The following NDUFB11 variants were observed in gnomAD, a reference collection of about 807,000 sequenced individuals.
NDUFB11 encodes the protein NADH dehydrogenase [ubiquinone] 1 beta subcomplex subunit 11, mitochondrial.
For missense variants in NDUFB11, 108 were observed against 133.8 expected (o/e 0.81, Z 0.95); for synonymous variants, 51 against 57.4 (o/e 0.89, Z 0.51).
At chrX:47,142,509 C>T in intron 2 of NDUFB11, 69 bp from the exon 3 acceptor site, 1 of 1,203,794 alleles carries the variant, frequency 8.3e-7, no homozygotes, top group South Asian at 1.8e-5. Flanking sequence ...ATCTCAGCTC[C>T]CCATTCCCAA....
At chrX:47,145,238 C>A (rs990995623), upstream of NDUFB11, 12 of 464,546 alleles carry the variant, frequency 2.6e-5, no homozygotes, top group African/African-American at 2.9e-4. Flanking sequence ...GGATGGTGGT[C>A]GGAGCGCCGA....
At chrX:47,144,765 C>T (rs1274841617), upstream of NDUFB11, 1 of 885,694 alleles carries the variant, frequency 1.1e-6, no homozygotes, top group Non-Finnish European at 1.5e-6. Flanking sequence ...ACAATCATCG[C>T]CCCGCCTCCG....
chrX:47,145,282 A>G (rs1042817496), upstream of NDUFB11: 1 of 549,223 alleles, frequency 1.8e-6, no homozygotes, highest in Non-Finnish European at 3.1e-6. Context: ...TGAGCTGGTG[A>G]CTGTGGCCGG....
chrX:47,145,115 G>T, upstream of NDUFB11: 1 of 344,197 alleles, frequency 2.9e-6, no homozygotes, highest in South Asian at 5.9e-5. Context: ...GGGAGCGTTC[G>T]CAAGGGGTGT....
At chrX:47,145,087 A>G, upstream of NDUFB11, 1 of 320,161 alleles carries the variant, frequency 3.1e-6, no homozygotes, top group Non-Finnish European at 5.5e-6. Flanking sequence ...GCTAATAGCT[A>G]CTCCTTTTCT....
At position 47,144,446 on chromosome X, in the gene NDUFB11, ACCCCCCCCCC is replaced by A. The variant is rs374822796; in HGVS notation, c.207+17_207+26del. The stretch of plus-strand genomic sequence containing the variant: ...ACCCCTTCGGGGTTCCGTCCCCACT[ACCCCCCCCCC>A]CCCCCCCGCCTCTCACCTTCTCATA... On this transcript the variant is annotated intron_variant, in intron 1 of 2. Transcript: ENST00000377811. 2.2e-4 allele frequency: 12 copies of A among 53,782 alleles called. No homozygotes were observed. The highest frequency in any genetic ancestry group is 3.6e-4 in the Non-Finnish European group (11 of 30,137). 4.4% of individuals were successfully genotyped at this position (53,782 alleles called of 1,213,427 possible).
intron 2 of NDUFB11, 54 bp downstream of exon 2, chrX:47,142,560 T>A: frequency 2.5e-6 from 3 of 1,207,170 alleles, no homozygotes; most frequent in Non-Finnish European, 3.4e-6. Flanking sequence ...CCCTTCAACC[T>A]CCATCCCTGC....
chrX:47,142,420 C>A lies in NDUFB11; in HGVS notation c.359G>T (p.Arg120Leu). ...PDYRMKEWSR[R>L]EAERLVKYRE... ...GTATTTCACAAGCCTCTCAGCTTCG[C>A]GGCGGGACCACTCTTTCATCCTGGT... is the stretch of plus-strand genomic sequence containing the variant. Residue 120 changes from arginine to leucine, a missense_variant, in exon 3 of 3, where the codon CGC (arginine) becomes CTC (leucine). Transcript: ENST00000377811. The A allele has an allele frequency of 1.7e-6, 2 of 1,211,756 alleles. No individual in the cohort carries two copies. Among genetic ancestry groups the A allele is most frequent in the Non-Finnish European group, 2.2e-6 (2 of 895,480 alleles).
intron 1 of NDUFB11, among the ~76,000 whole-genome samples, chrX:47,143,176 TCTTC>T (rs1931827607): frequency 8.9e-6 from 1 of 112,806 alleles, no homozygotes; most frequent in Non-Finnish European, 1.9e-5. Flanking sequence ...TCACATCCTC[TCTTC>T]CTTCTGTCTC....
upstream of NDUFB11, chrX:47,145,331 C>A (rs934306506): frequency 9.5e-5 from 77 of 813,302 alleles, no homozygotes; most frequent in African/African-American, 1.2e-3. Context: ...GGGAGGGCAG[C>A]GCGCTTGGCG....
chrX:47,143,018 C>T (rs1931825074), intron 1 of NDUFB11, among the ~76,000 whole-genome samples: 1 of 112,017 alleles, frequency 8.9e-6, no homozygotes, highest in South Asian at 3.7e-4. Context: ...CCCTAGTTAC[C>T]TTGTCTTTCA....
intron 1 of NDUFB11, 27 bp downstream of exon 1, chrX:47,144,446 A>AACCCC: frequency 3.7e-5 from 2 of 53,653 alleles, no homozygotes; most frequent in Admixed American, 1.9e-4. Context: ...CGTCCCCACT[A>AACCCC]CCCCCCCCCC....
chrX:47,145,034 T>A, upstream of NDUFB11: 2 of 302,084 alleles, frequency 6.6e-6, no homozygotes, highest in Non-Finnish European at 1.2e-5. Flanking sequence ...TCTTTCATCT[T>A]CAAAGGAAAT....
chrX:47,142,254 A>G lies in NDUFB11; in HGVS notation c.*63T>C. On this transcript the variant is annotated 3_prime_UTR_variant, in exon 3 of 3. Coordinates refer to ENST00000377811, the MANE Select transcript of NDUFB11 (RefSeq NM_001135998.3). ...CCCTTTAATTAGGTGCTCTGAGAAG[A>G]GGTCAGAATGGCAGGCAGGGGGTGG... 8.6e-7 allele frequency: 1 copy of G among 1,168,077 alleles called. No individual in the cohort carries two copies. Among genetic ancestry groups the G allele is most frequent in the Non-Finnish European group, 1.1e-6 (1 of 875,132 alleles).
In NDUFB11 at chrX:47,142,281, G is replaced by T; in HGVS notation, c.*36C>A. 6 of 1,194,049 alleles carry T rather than the reference G, an allele frequency of 5.0e-6. No homozygotes were observed. The highest frequency in any genetic ancestry group is 6.7e-6 in the Non-Finnish European group (6 of 889,108). On this transcript the variant is annotated 3_prime_UTR_variant, in exon 3 of 3. Coordinates refer to ENST00000377811, the MANE Select transcript of NDUFB11 (RefSeq NM_001135998.3). ...GTCAGAATGGCAGGCAGGGGGTGGG[G>T]AAGGCGGTGCTTCTTGAGCCCCACT... is the stretch of plus-strand genomic sequence containing the variant.
chrX:47,144,251 C>T (rs1931892950), intron 1 of NDUFB11, among the ~76,000 whole-genome samples: 1 of 109,944 alleles, frequency 9.1e-6, no homozygotes, highest in South Asian at 3.9e-4. Context: ...TGATTTCTGT[C>T]TGCAAAATAA....
rs1309235704 is a variant in NDUFB11, at chrX:47,143,847, C to T, written c.207+626G>A. ...CTAAATTCAAATACCAGTTCCACCT[C>T]CACCATGTATTCAGTTATGTGAGCT... On this transcript the variant is annotated intron_variant, in intron 1 of 2. Transcript: ENST00000377811. 4.5e-5 allele frequency among the ~76,000 whole-genome samples: 5 copies of T among 112,101 alleles called. No individual in the cohort carries two copies. The Admixed American group carries it at 4.7e-4, about 11-fold the overall frequency.
In NDUFB11 at chrX:47,144,508, C is replaced by A. The variant is rs1602473833; in HGVS notation, c.172G>T (p.Asp58Tyr). 1 of 923,853 alleles carries A rather than the reference C, an allele frequency of 1.1e-6. No homozygotes were observed. The highest frequency in any genetic ancestry group is 1.4e-6 in the Non-Finnish European group (1 of 725,020). The allele number at this position is 923,853 out of a possible 1,213,427, so 76.1% of individuals were successfully genotyped here. ...PPEPTTPWQE[D>Y]PEPEDENLYE... ...AAGTTTTCGTCCTCGGGTTCTGGGT[C>A]CTCTTGCCACGGTGTGGTCGGTTCT... is the stretch of plus-strand genomic sequence containing the variant. The change falls in exon 1 of 3, where the codon GAC becomes TAC. Residue 58 changes from aspartate to tyrosine, a missense_variant. Physicochemically the swap from Asp to Tyr is radical, Grantham distance 160. Coordinates refer to ENST00000377811, the MANE Select transcript of NDUFB11 (RefSeq NM_001135998.3).
At position 47,142,715 on chromosome X, in the gene NDUFB11, G is replaced by A. The variant is rs1556760707; in HGVS notation, c.237C>T (p.Asp79=). 1.7e-6 allele frequency: 2 copies of A among 1,211,578 alleles called. No homozygotes were observed. The highest frequency in any genetic ancestry group is 2.2e-6 in the Non-Finnish European group (2 of 895,357). Residue 79 remains aspartate, a synonymous_variant, in exon 2 of 3, where the codon GAC becomes GAT. Coordinates refer to ENST00000377811, the MANE Select transcript of NDUFB11 (RefSeq NM_001135998.3). ...GCATGTTCCAGACGTCCAAAACGGGGTCCTTGTCATAACCATGGGAGTCTG... is the reference window on the plus strand; with the variant it reads ...GCATGTTCCAGACGTCCAAAACGGGATCCTTGTCATAACCATGGGAGTCTG... The part of the protein sequence containing the change: ...KNPDSHGYDK[D]PVLDVWNMRL...
Sources: gnomAD v4.1 joint callset for allele counts (sites outside exome capture counted in the v4.1 genomes callset) on GRCh38, gnomAD v4.1.1 for gene constraint, MANE v1.5 for transcripts, NCBI Gene and HGNC (gene_info 2026-07-23, HGNC 2026-07-21) for gene names.